Variants in BTBD10 observed in about 807,000 individuals in gnomAD.
BTBD10 encodes BTB domain containing 10.
A neutral mutation model predicts 53.2 loss-of-function variants in BTBD10; 21 were observed. The ratio of observed to expected loss-of-function variants is 0.39; its 90% CI spans 0.28 to 0.57. BTBD10 has a LOEUF of 0.57. Among genes scored for constraint, BTBD10 ranks in the 20% least tolerant of loss-of-function variants. The pLI, the probability that BTBD10 is intolerant of heterozygous loss-of-function variation, is 0.53. For synonymous variants in BTBD10, 149 were observed against 192.7 expected (o/e 0.77, Z 1.88); for missense variants, 360 against 594.7 (o/e 0.61, Z 4.10).
At chr11:13,400,548 A>C (rs1949690834) in intron 8 of BTBD10, among the ~76,000 whole-genome samples, 1 of 150,150 alleles carries the variant, frequency 6.7e-6, no homozygotes. Flanking sequence ...CGCTGCACCC[A>C]CTGTCCTGCA....
At chr11:13,452,472 C>G (rs942350057) in intron 1 of BTBD10, among the ~76,000 whole-genome samples, 1 of 152,056 alleles carries the variant, frequency 6.6e-6, no homozygotes, top group Non-Finnish European at 1.5e-5. Context: ...AAGAAAAAAT[C>G]AGCAATGATT....
At chr11:13,426,096 A>G (rs1173271418) in intron 2 of BTBD10, among the ~76,000 whole-genome samples, 1 of 152,170 alleles carries the variant, frequency 6.6e-6, no homozygotes, top group East Asian at 1.9e-4. Context: ...GAAGGAAAAA[A>G]GGGAAGTAAT....
chr11:13,405,887 A>G lies in BTBD10; in HGVS notation c.809-31T>C, dbSNP rs1422345038. On this transcript the variant is annotated intron_variant, in intron 6 of 8. Transcript: ENST00000278174. Reference sequence around the variant, plus strand: ...ATGAAATCCACAAAAATATCTTACCAAAACTTTTCCTAAAAAGAGTTCTTT... The same window carrying G: ...ATGAAATCCACAAAAATATCTTACCGAAACTTTTCCTAAAAAGAGTTCTTT... The G allele has an allele frequency of 3.1e-6, 5 of 1,601,322 alleles. No individual in the cohort carries two copies. The African/African-American group carries it at 5.4e-5, about 17-fold the overall frequency.
At position 13,397,471 on chromosome 11, in the gene BTBD10, G is replaced by A. The variant is rs181706886; in HGVS notation, c.1117+5697C>T. Among the ~76,000 whole-genome samples the A allele has an allele frequency of 3.3e-3, 509 of 152,156 alleles. 3 individuals are homozygous for A. Among genetic ancestry groups the A allele is most frequent in the African/African-American group, 0.011 (461 of 41,518 alleles). ...GTCTTGCTAGCAGTCTATCAATTTT[G>A]TTGATCCTTTCAAAAAACCAGCTCC... On this transcript the variant is annotated intron_variant, in intron 8 of 8. Coordinates refer to ENST00000278174, the MANE Select transcript of BTBD10 (RefSeq NM_032320.7).
At chr11:13,431,403 C>A (rs1383238382) in intron 2 of BTBD10, among the ~76,000 whole-genome samples, 1 of 152,122 alleles carries the variant, frequency 6.6e-6, no homozygotes, top group Non-Finnish European at 1.5e-5. Context: ...TCTGAGATCA[C>A]AATTTTCTTC....
At chr11:13,402,036 C>G (rs931675292) in intron 8 of BTBD10, among the ~76,000 whole-genome samples, 2 of 152,176 alleles carry the variant, frequency 1.3e-5, no homozygotes, top group African/African-American at 4.8e-5. Flanking sequence ...CCTGTCCTCC[C>G]AATCTAAAGT....
chr11:13,455,530 C>T (rs1350655836), intron 1 of BTBD10, among the ~76,000 whole-genome samples: 2 of 152,136 alleles, frequency 1.3e-5, no homozygotes, highest in Non-Finnish European at 2.9e-5. Flanking sequence ...TAACTAGACA[C>T]TGTTTAGTTT....
At chr11:13,402,208 G>A (rs1271545902) in intron 8 of BTBD10, among the ~76,000 whole-genome samples, 1 of 152,108 alleles carries the variant, frequency 6.6e-6, no homozygotes, top group African/African-American at 2.4e-5. Context: ...TCCTGTTTCT[G>A]GTTATTCTTC....
intron 8 of BTBD10, among the ~76,000 whole-genome samples, chr11:13,391,392 T>C (rs1240073290): frequency 6.6e-6 from 1 of 152,224 alleles, no homozygotes; most frequent in Non-Finnish European, 1.5e-5. Context: ...ATTCACTTCT[T>C]ATGCTCCATA....
chr11:13,449,222 A>G (rs1304945676), intron 1 of BTBD10, among the ~76,000 whole-genome samples: 1 of 152,182 alleles, frequency 6.6e-6, no homozygotes. Flanking sequence ...GGTAATGATA[A>G]ATGGAAGAAC....
chr11:13,411,465 T>A (rs915015295), intron 6 of BTBD10, among the ~76,000 whole-genome samples: 5 of 152,200 alleles, frequency 3.3e-5, no homozygotes, highest in Admixed American at 1.3e-4. Flanking sequence ...ATAGTTTTTT[T>A]TTAAAACGTC....
chr11:13,429,810 A>G (rs1950413235), intron 2 of BTBD10, among the ~76,000 whole-genome samples: 1 of 152,198 alleles, frequency 6.6e-6, no homozygotes. Context: ...CAGTGTTAAG[A>G]GAATGAAAAG....
At chr11:13,395,682 T>A (rs917782190) in intron 8 of BTBD10, among the ~76,000 whole-genome samples, 1 of 152,208 alleles carries the variant, frequency 6.6e-6, no homozygotes, top group African/African-American at 2.4e-5. Context: ...GTCTAACATG[T>A]AAGTCTTTAA....
chr11:13,416,218 G>A (rs183215213), intron 5 of BTBD10, among the ~76,000 whole-genome samples: 323 of 151,830 alleles, frequency 2.1e-3, no homozygotes, highest in Middle Eastern at 3.4e-3. Context: ...GCTGGGCGTG[G>A]TGGCACACAC....
chr11:13,419,770 T>C (rs1565247723), intron 3 of BTBD10, 25 bp from the exon 4 acceptor site: 1 of 1,493,688 alleles, frequency 6.7e-7, no homozygotes, highest in South Asian at 1.3e-5. Context: ...TTAGACGAAG[T>C]TATGCAAATT....
At chr11:13,411,270 G>A (rs1456774922) in intron 6 of BTBD10, among the ~76,000 whole-genome samples, 1 of 152,170 alleles carries the variant, frequency 6.6e-6, no homozygotes, top group African/African-American at 2.4e-5. Flanking sequence ...CTCAACCAGA[G>A]AGAGAGAACA....
chr11:13,431,851 G>A (rs933464356), intron 2 of BTBD10, among the ~76,000 whole-genome samples: 2 of 151,970 alleles, frequency 1.3e-5, no homozygotes, highest in African/African-American at 4.8e-5. Context: ...AAACATCAGG[G>A]CCTTGTTTTG....
chr11:13,420,393 T>C (rs1032378481), intron 3 of BTBD10, among the ~76,000 whole-genome samples: 2 of 152,118 alleles, frequency 1.3e-5, no homozygotes, highest in Non-Finnish European at 2.9e-5. Flanking sequence ...TCTTCTCATG[T>C]TTGTTGAATA....
At chr11:13,436,471 A>G (rs1950545158) in intron 2 of BTBD10, among the ~76,000 whole-genome samples, 1 of 152,174 alleles carries the variant, frequency 6.6e-6, no homozygotes, top group Non-Finnish European at 1.5e-5. Context: ...ACCTGCTGGG[A>G]CCAAATAACA....
Sources: gnomAD v4.1 joint callset for allele counts (sites outside exome capture counted in the v4.1 genomes callset) on GRCh38, gnomAD v4.1.1 for gene constraint, MANE v1.5 for transcripts, NCBI Gene and HGNC (gene_info 2026-07-23, HGNC 2026-07-21) for gene names.